Variants in GABRB1 observed in about 807,000 individuals in gnomAD.
GABRB1 encodes gamma-aminobutyric acid type A receptor subunit beta1.
A neutral mutation model predicts 51.6 loss-of-function variants in GABRB1; 17 were observed. The observed-to-expected ratio is 0.33, with a 90% CI of 0.23 to 0.49. The LOEUF (loss-of-function observed/expected upper bound fraction) is 0.49, where lower values mean the gene tolerates loss of function less well. GABRB1 is among the 20% of genes least tolerant of loss of function. GABRB1 has a pLI of 0.99. For synonymous variants in GABRB1, 247 were observed against 218.9 expected (o/e 1.13, Z -1.14); for missense variants, 410 against 600.6 (o/e 0.68, Z 3.32).
intron 3 of GABRB1, among the ~76,000 whole-genome samples, chr4:47,104,567 A>T (rs1046106899): frequency 6.6e-6 from 1 of 151,672 alleles, no homozygotes; most frequent in African/African-American, 2.4e-5. Flanking sequence ...CACATACATT[A>T]GATCATTTTA....
intron 4 of GABRB1, among the ~76,000 whole-genome samples, chr4:47,161,866 T>C (rs887066462): frequency 5.9e-5 from 9 of 152,044 alleles, no homozygotes; most frequent in African/African-American, 2.2e-4. Context: ...AATCCTTCCA[T>C]GTACCATGAA....
At chr4:47,155,112 G>A (rs1015437395) in intron 3 of GABRB1, among the ~76,000 whole-genome samples, 1 of 152,044 alleles carries the variant, frequency 6.6e-6, no homozygotes, top group Non-Finnish European at 1.5e-5. Flanking sequence ...TCCAAAGATG[G>A]GAGGAGAGCG....
At chr4:47,128,175 G>C (rs1327886243) in intron 3 of GABRB1, among the ~76,000 whole-genome samples, 1 of 151,600 alleles carries the variant, frequency 6.6e-6, no homozygotes, top group African/African-American at 2.4e-5. Context: ...AGAAAGTTGA[G>C]GTAGTTATAT....
intron 4 of GABRB1, among the ~76,000 whole-genome samples, chr4:47,229,092 G>A (rs959341423): frequency 6.6e-6 from 1 of 152,060 alleles, no homozygotes; most frequent in Admixed American, 6.6e-5. Flanking sequence ...CTAGTAAATG[G>A]TCTGCCTGAC....
At chr4:47,110,033 G>GGGC (rs906678991) in intron 3 of GABRB1, among the ~76,000 whole-genome samples, 1 of 152,020 alleles carries the variant, frequency 6.6e-6, no homozygotes, top group Non-Finnish European at 1.5e-5. Context: ...GTCAAGAAGG[G>GGGC]GGCTGTAACC....
rs35811425 is a variant in GABRB1, at chr4:47,358,329, A to G, written c.544+38120A>G. 2.3e-3 allele frequency among the ~76,000 whole-genome samples: 347 copies of G among 152,048 alleles called. 2 individuals are homozygous for G. The highest frequency in any genetic ancestry group is 4.2e-3 in the Non-Finnish European group (288 of 67,950). On this transcript the variant is annotated intron_variant, in intron 5 of 8. Coordinates refer to ENST00000295454, the MANE Select transcript of GABRB1 (RefSeq NM_000812.4). The stretch of plus-strand genomic sequence containing the variant: ...AATATATGTGTGTGTATATATATAC[A>G]TGCTATATATATGCATATTATATAT...
At chr4:47,299,391 A>C (rs529540530) in intron 4 of GABRB1, among the ~76,000 whole-genome samples, 1 of 152,324 alleles carries the variant, frequency 6.6e-6, no homozygotes, top group Admixed American at 6.5e-5. Flanking sequence ...ACAAATTTAC[A>C]AGAAAAAAAC....
intron 4 of GABRB1, among the ~76,000 whole-genome samples, chr4:47,301,740 T>C (rs571940737): frequency 1.7e-4 from 26 of 152,092 alleles, no homozygotes; most frequent in African/African-American, 6.0e-4. Flanking sequence ...TGAAAAGACA[T>C]AGTATACTGA....
At chr4:47,036,824 C>A (rs1725591260) in intron 3 of GABRB1, among the ~76,000 whole-genome samples, 1 of 150,770 alleles carries the variant, frequency 6.6e-6, no homozygotes, top group Admixed American at 6.6e-5. Context: ...GATCGTGCCA[C>A]TGTGCTCCAG....
chr4:47,006,538 T>G (rs966982310), intron 1 of GABRB1, among the ~76,000 whole-genome samples: 1 of 152,210 alleles, frequency 6.6e-6, no homozygotes, highest in Non-Finnish European at 1.5e-5. Flanking sequence ...TTGCATTTTA[T>G]TATAGTGACT....
intron 3 of GABRB1, among the ~76,000 whole-genome samples, chr4:47,105,875 T>C (rs150939196): frequency 2.2e-4 from 33 of 152,224 alleles, no homozygotes; most frequent in African/African-American, 7.7e-4. Flanking sequence ...CTTACACTAA[T>C]ACACACTCAG....
intron 3 of GABRB1, among the ~76,000 whole-genome samples, chr4:47,145,543 A>G (rs1717128973): frequency 6.6e-6 from 1 of 152,046 alleles, no homozygotes. Context: ...GAAAATGGAG[A>G]GAGAGAGAGA....
At chr4:47,139,757 T>A (rs1242501344) in intron 3 of GABRB1, among the ~76,000 whole-genome samples, 1 of 151,972 alleles carries the variant, frequency 6.6e-6, no homozygotes, top group Non-Finnish European at 1.5e-5. Flanking sequence ...TTAATGTAAA[T>A]ATGAATCAAC....
intron 1 of GABRB1, among the ~76,000 whole-genome samples, chr4:47,008,989 G>C (rs1181032221): frequency 3.5e-5 from 5 of 142,520 alleles, no homozygotes; most frequent in African/African-American, 1.3e-4. Context: ...TCAGCCTCCC[G>C]AGTAGCTGGG....
At chr4:47,219,559 T>C (rs1052898049) in intron 4 of GABRB1, among the ~76,000 whole-genome samples, 2 of 151,892 alleles carry the variant, frequency 1.3e-5, no homozygotes, top group African/African-American at 4.8e-5. Flanking sequence ...CTCAGTGTTG[T>C]TCACATTTGG....
rs554593840 is a variant in GABRB1 at position 47,051,817 on chromosome 4, G to A, written c.240+19333G>A. On this transcript the variant is annotated intron_variant, in intron 3 of 8. Coordinates refer to ENST00000295454, the MANE Select transcript of GABRB1 (RefSeq NM_000812.4). ...ATTTCAGTCTCAAAGAAAGTCAGCC[G>A]ACTAGTAGTTACATATAAAGCATGA... is the stretch of plus-strand genomic sequence containing the variant. 1.4e-4 allele frequency among the ~76,000 whole-genome samples: 21 copies of A among 152,266 alleles called. No homozygotes were observed. The South Asian group carries it at 1.9e-3, about 14-fold the overall frequency.
At chr4:46,995,879 C>T (rs1451622742) in intron 1 of GABRB1, among the ~76,000 whole-genome samples, 2 of 152,108 alleles carry the variant, frequency 1.3e-5, no homozygotes, top group African/African-American at 4.8e-5. Flanking sequence ...AGAGTAGCTA[C>T]TTCCAGTTAT....
intron 4 of GABRB1, among the ~76,000 whole-genome samples, chr4:47,165,125 C>A (rs938021771): frequency 6.6e-6 from 1 of 152,084 alleles, no homozygotes; most frequent in African/African-American, 2.4e-5. Context: ...TCCTTTCTTA[C>A]TTAAAAGCGG....
At chr4:47,336,221 A>G (rs907887282) in intron 5 of GABRB1, among the ~76,000 whole-genome samples, 6 of 152,210 alleles carry the variant, frequency 3.9e-5, no homozygotes, top group Admixed American at 3.3e-4. Context: ...GGAAATATAA[A>G]TTTACAAGTC....
Sources: allele counts gnomAD v4.1 joint callset (sites outside exome capture counted in the v4.1 genomes callset), GRCh38; gene constraint gnomAD v4.1.1; transcripts MANE v1.5; gene names NCBI Gene and HGNC (gene_info 2026-07-23, HGNC 2026-07-21).